The following ANK2 variants were observed in gnomAD, a reference collection of about 807,000 sequenced individuals.
The protein encoded by ANK2 is ankyrin-2.
ANK2 carries 83 observed loss-of-function variants against 360.5 expected under a neutral mutation model. The observed-to-expected ratio is 0.23, with a 90% CI of 0.19 to 0.28. ANK2 has a LOEUF of 0.28. ANK2 is among the 10% of genes least tolerant of loss of function. The pLI, the probability that ANK2 is intolerant of heterozygous loss-of-function variation, is 1.00. For missense variants in ANK2, 4,201 were observed against 4,795.7 expected, an observed-to-expected ratio of 0.88 and a Z score of 3.66; for synonymous variants, 1,740 against 1,759.5, an observed-to-expected ratio of 0.99 and a Z score of 0.28.
chr4:112,847,668 A>G (rs769852790), intron 1 of ANK2, among the ~76,000 whole-genome samples: 3 of 152,138 alleles, frequency 2.0e-5, no homozygotes, highest in Non-Finnish European at 4.4e-5. Context: ...ATTTTTAGAA[A>G]TTGACCTCCT....
At chr4:112,724,531 A>T in the ANK2 span, among the ~76,000 whole-genome samples, 4 of 148,308 alleles carry the variant, frequency 2.7e-5, no homozygotes, top group Non-Finnish European at 5.9e-5. Flanking sequence ...GAAAATAAAG[A>T]TACAAATATA....
At position 113,367,927 on chromosome 4, in the gene ANK2, A is replaced by G. The variant is rs1376563977; in HGVS notation, c.11318+76A>G. 8.4e-6 allele frequency: 13 copies of G among 1,552,166 alleles called. No individual in the cohort carries two copies. In the East Asian group the frequency reaches 1.8e-4, roughly 21 times the overall value. ...TTGTGGATGCCAGGCATATATAAGC[A>G]TAACTAGTTTTTAAATACTTTTTAA... On this transcript the variant is annotated intron_variant, in intron 42 of 45. Transcript: ENST00000357077.
At chr4:112,869,325 T>G (rs981441142) in intron 1 of ANK2, among the ~76,000 whole-genome samples, 6 of 152,110 alleles carry the variant, frequency 3.9e-5, no homozygotes, top group African/African-American at 1.4e-4. Flanking sequence ...TCACCCAAGG[T>G]GGAGTGCAGT....
intron 2 of ANK2, among the ~76,000 whole-genome samples, chr4:112,980,720 A>G (rs2042889465): frequency 6.6e-6 from 1 of 152,230 alleles, no homozygotes. Flanking sequence ...TGCTCAGGGC[A>G]GAATATATTT....
chr4:113,357,560 T>C lies in ANK2; in HGVS notation c.8942T>C (p.Val2981Ala), dbSNP rs2095873512. The change falls in exon 38 of 46, where the codon GTT (valine) becomes GCT (alanine). Residue 2981 changes from valine to alanine, a missense_variant. Transcript: ENST00000357077. ...GTGGCAAGCTCCTCTAGTGGAACTGTTTTAAGCAAAGAATCTAATTTTGAG... is the reference window on the plus strand; with the variant it reads ...GTGGCAAGCTCCTCTAGTGGAACTGCTTTAAGCAAAGAATCTAATTTTGAG... ...VVVASSSSGT[V>A]LSKESNFEGQ... 6.2e-7 allele frequency: 1 copy of C among 1,614,094 alleles called. No homozygotes were observed. Among genetic ancestry groups the C allele is most frequent in the Non-Finnish European group, 8.5e-7 (1 of 1,179,980 alleles).
At chr4:113,267,790 A>T (rs998358810) in intron 14 of ANK2, among the ~76,000 whole-genome samples, 2 of 152,124 alleles carry the variant, frequency 1.3e-5, no homozygotes, top group Non-Finnish European at 2.9e-5. Context: ...TGTGAAGAAA[A>T]TCAACGGTAG....
In ANK2 at chr4:113,264,722, C is replaced by CA. The variant is rs11452087; in HGVS notation, c.1387-161dup. Among the ~76,000 whole-genome samples the CA allele has an allele frequency of 0.69, 98,266 of 141,760 alleles. 33,567 individuals carry two copies. The highest frequency in any genetic ancestry group is 0.78 in the South Asian group (3,499 of 4,506). 93.0% of individuals were successfully genotyped at this position (141,760 alleles called of 152,430 possible). A position where few individuals can be genotyped will look rare whatever the true frequency, so the allele number is the denominator to read the frequency against. On this transcript the variant is annotated intron_variant, in intron 13 of 45. Transcript: ENST00000357077. ...GAGCAACAAGAGTGAAACTTTGTCT[C>CA]AAAAAAAAAAAAAAGATACAAATCT...
At chr4:112,800,368 T>C in the ANK2 span, among the ~76,000 whole-genome samples, 1 of 152,328 alleles carries the variant, frequency 6.6e-6, no homozygotes, top group Admixed American at 6.5e-5. Context: ...TATATACTAG[T>C]ATAGTGAGAT....
chr4:113,262,558 C>G (rs1055490844), intron 13 of ANK2, among the ~76,000 whole-genome samples: 27 of 151,994 alleles, frequency 1.8e-4, no homozygotes, highest in African/African-American at 5.6e-4. Flanking sequence ...ATACCATCGG[C>G]CCTCTGTATC....
intron 2 of ANK2, among the ~76,000 whole-genome samples, chr4:113,176,836 T>A (rs562212733): frequency 3.9e-5 from 6 of 152,268 alleles, no homozygotes; most frequent in African/African-American, 1.2e-4. Flanking sequence ...TGTGTCCAAG[T>A]GTTCTCATTG....
chr4:112,857,233 C>G lies in ANK2; in HGVS notation c.-40+38969C>G, dbSNP rs910584898. On this transcript the variant is annotated intron_variant, in intron 1 of 30. Coordinates refer to the ANK2 transcript ENST00000503271. ...GAGAAAAAAAAGTTTTTAAAAGAAACTTTTAAAGACAATTAACAATAGCCA... is the reference window on the plus strand; with the variant it reads ...GAGAAAAAAAAGTTTTTAAAAGAAAGTTTTAAAGACAATTAACAATAGCCA... 4.6e-5 allele frequency among the ~76,000 whole-genome samples: 7 copies of G among 152,174 alleles called. No individual in the cohort carries two copies. In the East Asian group the frequency reaches 1.4e-3, roughly 29 times the overall value.
rs759213971 is a variant in ANK2, at chr4:112,905,799, C to CTGTA, written c.21+1286_21+1287insGTAT. 1.0e-3 allele frequency among the ~76,000 whole-genome samples: 152 copies of CTGTA among 152,130 alleles called. 2 individuals are homozygous for CTGTA. Among genetic ancestry groups the CTGTA allele is most frequent in the South Asian group, 3.5e-3 (17 of 4,818 alleles). ...ACCTCAGCCTGCTGAGTAGCTGGAA[C>CTGTA]TACAGACTTGCACCACCATGCCCGA... On this transcript the variant is annotated intron_variant, in intron 2 of 30. Coordinates refer to the ANK2 transcript ENST00000503271.
chr4:113,370,386 G>A (rs1357970633), intron 43 of ANK2, among the ~76,000 whole-genome samples: 1 of 152,096 alleles, frequency 6.6e-6, no homozygotes, highest in Non-Finnish European at 1.5e-5. Context: ...GCCTGACGGT[G>A]GCATAAGATT....
At chr4:112,973,321 C>T (rs1158861800) in intron 2 of ANK2, among the ~76,000 whole-genome samples, 6 of 151,996 alleles carry the variant, frequency 3.9e-5, no homozygotes, top group Non-Finnish European at 8.8e-5. Flanking sequence ...AGCAAATAGG[C>T]GTGGCAGAGC....
At chr4:113,374,827 G>A in intron 45 of ANK2, 1 of 1,258,988 alleles carries the variant, frequency 7.9e-7, no homozygotes, top group South Asian at 1.3e-5. Flanking sequence ...GCCAGTGGAA[G>A]GCCGTAGAGT....
At chr4:112,828,803 C>T (rs1056790534) in intron 1 of ANK2, among the ~76,000 whole-genome samples, 1 of 152,186 alleles carries the variant, frequency 6.6e-6, no homozygotes, top group Non-Finnish European at 1.5e-5. Flanking sequence ...CAGCAAACGT[C>T]TAATATCCGG....
At chr4:113,201,589 G>A (rs1438619607) in intron 4 of ANK2, among the ~76,000 whole-genome samples, 2 of 152,148 alleles carry the variant, frequency 1.3e-5, no homozygotes, top group African/African-American at 4.8e-5. Flanking sequence ...ACTTTGACAG[G>A]AAATTCACCT....
intron 1 of ANK2, among the ~76,000 whole-genome samples, chr4:113,160,897 T>TTAAGGCAGGGTTCTG: frequency 6.6e-6 from 1 of 152,180 alleles, no homozygotes; most frequent in Non-Finnish European, 1.5e-5. Flanking sequence ...GAGGGTAGAT[T>TTAAGGCAGGGTTCTG]TAAGGCAGGG....
chr4:112,843,799 C>A (rs2062700363), intron 1 of ANK2, among the ~76,000 whole-genome samples: 1 of 151,934 alleles, frequency 6.6e-6, no homozygotes, highest in Admixed American at 6.6e-5. Context: ...AACTACGTTA[C>A]CCTGAAAAAA....
Sources: gnomAD v4.1 joint callset for allele counts (sites outside exome capture counted in the v4.1 genomes callset) on GRCh38, gnomAD v4.1.1 for gene constraint, MANE v1.5 for transcripts, NCBI Gene and HGNC (gene_info 2026-07-23, HGNC 2026-07-21) for gene names.